CNTNAP2: variants seen among roughly 807,000 people sequenced by gnomAD.
The protein encoded by CNTNAP2 is contactin-associated protein-like 2.
CNTNAP2 carries 98 observed loss-of-function variants against 155.2 expected under a neutral mutation model. That is an observed-to-expected ratio of 0.63 (90% CI 0.54 to 0.75). CNTNAP2 has a LOEUF of 0.75. Ranked by LOEUF, CNTNAP2 falls within the 30% of genes least tolerant of loss-of-function variation. The probability of loss-of-function intolerance (pLI) is 0.00; values close to 1 mark genes in which losing one functional copy is unlikely to be tolerated. For missense variants in CNTNAP2, 1,727 were observed against 1,688.1 expected, an observed-to-expected ratio of 1.02 and a Z score of -0.40; for synonymous variants, 651 against 631.2, an observed-to-expected ratio of 1.03 and a Z score of -0.47.
intron 18 of CNTNAP2, among the ~76,000 whole-genome samples, chr7:148,202,351 GA>G (rs915467828): frequency 6.6e-6 from 1 of 152,088 alleles, no homozygotes; most frequent in African/African-American, 2.4e-5. Context: ...AATTTCTGGG[GA>G]AAAAATACAT....
intron 1 of CNTNAP2, among the ~76,000 whole-genome samples, chr7:146,721,959 G>T (rs1180807275): frequency 1.4e-5 from 2 of 143,136 alleles, no homozygotes; most frequent in Non-Finnish European, 3.0e-5. Flanking sequence ...CACGACTTCA[G>T]CTCACTGCAA....
chr7:147,193,822 C>T (rs1802727613), intron 8 of CNTNAP2, among the ~76,000 whole-genome samples: 1 of 151,986 alleles, frequency 6.6e-6, no homozygotes, highest in Non-Finnish European at 1.5e-5. Context: ...ATCAGAATGT[C>T]TAGAAGGCAA....
chr7:146,155,674 T>C (rs541236991), intron 1 of CNTNAP2, among the ~76,000 whole-genome samples: 1 of 145,356 alleles, frequency 6.9e-6, no homozygotes, highest in Admixed American at 6.9e-5. Flanking sequence ...AATAATTGCA[T>C]AAAACAATAT....
At chr7:147,210,393 A>G (rs1803122159) in intron 8 of CNTNAP2, among the ~76,000 whole-genome samples, 1 of 151,968 alleles carries the variant, frequency 6.6e-6, no homozygotes, top group Non-Finnish European at 1.5e-5. Context: ...GAGTGTTTAC[A>G]ACAGTCTGTG....
At chr7:148,107,949 T>C (rs762715814) in intron 15 of CNTNAP2, among the ~76,000 whole-genome samples, 1 of 152,210 alleles carries the variant, frequency 6.6e-6, no homozygotes, top group Non-Finnish European at 1.5e-5. Flanking sequence ...GACAAGACCA[T>C]TGGCCACTGG....
At chr7:147,112,749 A>G (rs1467905245) in intron 5 of CNTNAP2, among the ~76,000 whole-genome samples, 1 of 152,030 alleles carries the variant, frequency 6.6e-6, no homozygotes, top group African/African-American at 2.4e-5. Context: ...ACCCATTTTG[A>G]TGTGCTGCTG....
At chr7:147,989,165 G>A (rs1249555842) in intron 15 of CNTNAP2, among the ~76,000 whole-genome samples, 1 of 152,204 alleles carries the variant, frequency 6.6e-6, no homozygotes, top group African/African-American at 2.4e-5. Flanking sequence ...CAGGAAGTCT[G>A]GAGCAGGACC....
At chr7:146,419,525 T>C (rs1795982569) in intron 1 of CNTNAP2, among the ~76,000 whole-genome samples, 1 of 152,174 alleles carries the variant, frequency 6.6e-6, no homozygotes, top group East Asian at 1.9e-4. Flanking sequence ...TTAATTCCAA[T>C]TATTATCAGA....
chr7:148,220,013 A>T (rs1194797170), intron 19 of CNTNAP2, among the ~76,000 whole-genome samples: 2 of 152,260 alleles, frequency 1.3e-5, no homozygotes, highest in African/African-American at 4.8e-5. Flanking sequence ...TGGAGGAAAA[A>T]GTATGTTCCC....
At chr7:146,521,665 G>A (rs1797618743) in intron 1 of CNTNAP2, among the ~76,000 whole-genome samples, 1 of 151,798 alleles carries the variant, frequency 6.6e-6, no homozygotes, top group African/African-American at 2.4e-5. Context: ...CCTTTTTGAA[G>A]CATTATTCGC....
chr7:146,875,677 G>C (rs1442517732), intron 3 of CNTNAP2, among the ~76,000 whole-genome samples: 2 of 151,454 alleles, frequency 1.3e-5, no homozygotes, highest in African/African-American at 4.9e-5. Flanking sequence ...CTTTTGGCGG[G>C]GGGGCAAAGC....
At chr7:147,529,054 C>G (rs749882905) in intron 11 of CNTNAP2, among the ~76,000 whole-genome samples, 1 of 152,084 alleles carries the variant, frequency 6.6e-6, no homozygotes, top group African/African-American at 2.4e-5. Flanking sequence ...GATACATGTC[C>G]ATTTTAGAAT....
intron 19 of CNTNAP2, among the ~76,000 whole-genome samples, chr7:148,225,315 C>T (rs1363133715): frequency 6.6e-6 from 1 of 152,056 alleles, no homozygotes; most frequent in Non-Finnish European, 1.5e-5. Context: ...GAGGAAGTCA[C>T]AGAAATGATC....
chr7:146,700,960 A>G (rs531668328), intron 1 of CNTNAP2, among the ~76,000 whole-genome samples: 1 of 152,282 alleles, frequency 6.6e-6, no homozygotes, highest in East Asian at 1.9e-4. Context: ...AAATTATGCT[A>G]GCCTTAGGAA....
At chr7:146,740,250 T>C (rs537968779) in intron 1 of CNTNAP2, among the ~76,000 whole-genome samples, 94 of 152,028 alleles carry the variant, frequency 6.2e-4, no homozygotes, top group African/African-American at 2.1e-3. Flanking sequence ...CTCTATTGTA[T>C]TGTTTGTCTT....
chr7:146,885,869 G>A (rs1795645905), intron 3 of CNTNAP2, among the ~76,000 whole-genome samples: 2 of 151,114 alleles, frequency 1.3e-5, no homozygotes, highest in Non-Finnish European at 2.9e-5. Flanking sequence ...AGTGTATTTT[G>A]CACAGGATAG....
rs1796800637 is a variant in CNTNAP2, at chr7:147,395,664, A to G, written c.1554A>G (p.Gln518=). 1 of 1,612,464 alleles carries G rather than the reference A, an allele frequency of 6.2e-7. No homozygotes were observed. Among genetic ancestry groups the G allele is most frequent in the Admixed American group, 1.7e-5 (1 of 59,912 alleles). Reference sequence around the variant, plus strand: ...ACTCTGTCCTTCAGCCTTCATTCCAAGGATGCATGCAGCTCATTCAAGTGG... The same window carrying G: ...ACTCTGTCCTTCAGCCTTCATTCCAGGGATGCATGCAGCTCATTCAAGTGG... ...SSHSVLQPSF[Q]GCMQLIQVDD... Residue 518 remains glutamine, a synonymous_variant, in exon 10 of 24, where the codon CAA becomes CAG. Coordinates refer to ENST00000361727, the MANE Select transcript of CNTNAP2 (RefSeq NM_014141.6).
At chr7:147,799,546 TA>T (rs375372448) in intron 13 of CNTNAP2, among the ~76,000 whole-genome samples, 3 of 151,970 alleles carry the variant, frequency 2.0e-5, no homozygotes, top group Admixed American at 6.5e-5. Flanking sequence ...ATATTAAATT[TA>T]AAAAAAAGGC....
intron 9 of CNTNAP2, among the ~76,000 whole-genome samples, chr7:147,391,866 T>C (rs536981370): frequency 4.1e-4 from 63 of 152,240 alleles, no homozygotes; most frequent in African/African-American, 1.3e-3. Flanking sequence ...GTTTGCATTG[T>C]TCACCATCTG....
Sources: gnomAD v4.1 joint callset for allele counts (sites outside exome capture counted in the v4.1 genomes callset) on GRCh38, gnomAD v4.1.1 for gene constraint, MANE v1.5 for transcripts, NCBI Gene and HGNC (gene_info 2026-07-23, HGNC 2026-07-21) for gene names.